Variants in NTNG1 observed in about 807,000 individuals in gnomAD.
NTNG1 encodes netrin G1.
NTNG1 carries 16 observed loss-of-function variants against 54.0 expected under a neutral mutation model. That is an observed-to-expected ratio of 0.30 (90% CI 0.20 to 0.45). The LOEUF (loss-of-function observed/expected upper bound fraction) is 0.45, where lower values mean the gene tolerates loss of function less well. Ranked by LOEUF, NTNG1 falls within the 20% of genes least tolerant of loss-of-function variation. The pLI, the probability that NTNG1 is intolerant of heterozygous loss-of-function variation, is 1.00. For missense variants in NTNG1, 530 were observed against 678.7 expected, an observed-to-expected ratio of 0.78 and a Z score of 2.43; for synonymous variants, 255 against 263.1, an observed-to-expected ratio of 0.97 and a Z score of 0.30.
At chr1:107,294,547 T>C (rs965747138) in intron 2 of NTNG1, among the ~76,000 whole-genome samples, 1 of 152,134 alleles carries the variant, frequency 6.6e-6, no homozygotes, top group Non-Finnish European at 1.5e-5. Context: ...GAAACATATA[T>C]CCTGTTATTA....
chr1:107,333,635 TCGTGTGTGTGTG>T, intron 3 of NTNG1, among the ~76,000 whole-genome samples: 1 of 1,982 alleles, frequency 5.0e-4, no homozygotes, highest in African/African-American at 6.4e-4. Context: ...CATGAAAACA[TCGTGTGTGTGTG>T]CATGTGTGTG....
intron 2 of NTNG1, among the ~76,000 whole-genome samples, chr1:107,222,598 T>C (rs77988113): frequency 0.016 from 2,418 of 152,264 alleles, 58 homozygotes; most frequent in African/African-American, 0.056. Flanking sequence ...AGCAGCACAC[T>C]ACTGGGAGCA....
intron 7 of NTNG1, among the ~76,000 whole-genome samples, chr1:107,442,367 C>T (rs114325590): frequency 0.013 from 1,979 of 152,122 alleles, 22 homozygotes; most frequent in Non-Finnish European, 0.022. Context: ...CATACAATCA[C>T]TTTTATTAAA....
At chr1:107,249,835 A>G (rs1662473373) in intron 2 of NTNG1, among the ~76,000 whole-genome samples, 1 of 152,182 alleles carries the variant, frequency 6.6e-6, no homozygotes, top group East Asian at 1.9e-4. Flanking sequence ...ATTTTGGGAA[A>G]TGTTACCATA....
intron 3 of NTNG1, among the ~76,000 whole-genome samples, chr1:107,394,554 C>A (rs573231065): frequency 4.9e-4 from 74 of 152,196 alleles, no homozygotes; most frequent in African/African-American, 1.7e-3. Flanking sequence ...TGTCTCACCC[C>A]CCTTCGGGTC....
chr1:107,419,475 A>C (rs1674442365), intron 5 of NTNG1, among the ~76,000 whole-genome samples: 1 of 152,052 alleles, frequency 6.6e-6, no homozygotes, highest in Non-Finnish European at 1.5e-5. Flanking sequence ...AGGAAGAAAG[A>C]GAACTTTTAA....
intron 7 of NTNG1, among the ~76,000 whole-genome samples, chr1:107,470,006 T>C (rs1193030018): frequency 1.3e-5 from 2 of 152,182 alleles, no homozygotes; most frequent in Non-Finnish European, 2.9e-5. Flanking sequence ...TCTCTACTAA[T>C]TACCAACAAG....
chr1:107,189,112 G>A (rs904824410), intron 2 of NTNG1, among the ~76,000 whole-genome samples: 1 of 152,028 alleles, frequency 6.6e-6, no homozygotes, highest in Non-Finnish European at 1.5e-5. Flanking sequence ...AGCACTTTGG[G>A]AGACCGAGGT....
intron 2 of NTNG1, among the ~76,000 whole-genome samples, chr1:107,285,035 C>A (rs1665101309): frequency 6.6e-6 from 1 of 151,912 alleles, no homozygotes; most frequent in Non-Finnish European, 1.5e-5. Context: ...ATATTTTTGA[C>A]CTATATTAAG....
chr1:107,306,255 T>A (rs1666690147), intron 2 of NTNG1, among the ~76,000 whole-genome samples: 1 of 152,238 alleles, frequency 6.6e-6, no homozygotes, highest in Non-Finnish European at 1.5e-5. Flanking sequence ...TATTATCATT[T>A]CAATATGCAT....
rs908470309 is a variant in NTNG1, at chr1:107,482,223, T to A, written c.*1383T>A. On this transcript the variant is annotated 3_prime_UTR_variant, in exon 8 of 8. Transcript: ENST00000370068. Reference sequence around the variant, plus strand: ...GATCTATGTATCTTTCCAAATACAGTGTTTACATGGAGTATCACAAGACGC... The same window carrying A: ...GATCTATGTATCTTTCCAAATACAGAGTTTACATGGAGTATCACAAGACGC... 1 of 152,188 alleles carries A rather than the reference T, an allele frequency of 6.6e-6. No individual in the cohort carries two copies. Among genetic ancestry groups the A allele is most frequent in the African/African-American group, 2.4e-5 (1 of 41,436 alleles). 9.4% of individuals were successfully genotyped at this position (152,188 alleles called of 1,614,324 possible). A position where few individuals can be genotyped will look rare whatever the true frequency, so the allele number is the denominator to read the frequency against.
intron 3 of NTNG1, among the ~76,000 whole-genome samples, chr1:107,328,334 A>G (rs1225267231): frequency 6.6e-6 from 1 of 152,096 alleles, no homozygotes; most frequent in Non-Finnish European, 1.5e-5. Context: ...ATCTCATTTT[A>G]ATTTACAGGG....
chr1:107,307,996 G>C (rs1302009229), intron 2 of NTNG1, among the ~76,000 whole-genome samples: 2 of 151,632 alleles, frequency 1.3e-5, no homozygotes, highest in Non-Finnish European at 2.9e-5. Flanking sequence ...TCATGTCTTT[G>C]CCCACTTTTA....
At chr1:107,361,370 TATAC>T (rs1557932846) in intron 3 of NTNG1, among the ~76,000 whole-genome samples, 1 of 54,794 alleles carries the variant, frequency 1.8e-5, no homozygotes, top group African/African-American at 7.4e-5. Context: ...CATATATATA[TATAC>T]ATATATATAT....
chr1:107,306,318 G>A (rs533641046), intron 2 of NTNG1, among the ~76,000 whole-genome samples: 1 of 152,206 alleles, frequency 6.6e-6, no homozygotes, highest in South Asian at 2.1e-4. Flanking sequence ...TTTGTACTAA[G>A]TCTTCAAAAT....
chr1:107,181,748 C>G (rs1272818172), intron 2 of NTNG1, among the ~76,000 whole-genome samples: 1 of 152,118 alleles, frequency 6.6e-6, no homozygotes, highest in Non-Finnish European at 1.5e-5. Flanking sequence ...AAGGCTCTCT[C>G]ATTACTTGGC....
chr1:107,267,948 T>C (rs1663861735), intron 2 of NTNG1, among the ~76,000 whole-genome samples: 1 of 152,188 alleles, frequency 6.6e-6, no homozygotes, highest in Non-Finnish European at 1.5e-5. Flanking sequence ...ACTCTGCCCT[T>C]CTTTCCCATA....
rs576056998 is a variant in NTNG1 at position 107,475,528 on chromosome 1, T to C, written c.1391-5083T>C. Among the ~76,000 whole-genome samples, 3 of 152,334 alleles carry C rather than the reference T, an allele frequency of 2.0e-5. No homozygotes were observed. In the South Asian group the frequency reaches 6.2e-4, roughly 32 times the overall value. The stretch of plus-strand genomic sequence containing the variant: ...GTCTGTCTTAGATCCCAGTCTCCTA[T>C]ATTTACTCCCTGAAGAAGATAATCC... On this transcript the variant is annotated intron_variant, in intron 7 of 7. Coordinates refer to ENST00000370068, the MANE Select transcript of NTNG1 (RefSeq NM_001113226.3).
intron 2 of NTNG1, among the ~76,000 whole-genome samples, chr1:107,278,251 C>T (rs906938590): frequency 6.6e-6 from 1 of 152,192 alleles, no homozygotes; most frequent in Admixed American, 6.5e-5. Context: ...TCAATTATCT[C>T]TTAGAGACTA....
Sources: gnomAD v4.1 joint callset for allele counts (sites outside exome capture counted in the v4.1 genomes callset) on GRCh38, gnomAD v4.1.1 for gene constraint, MANE v1.5 for transcripts, NCBI Gene and HGNC (gene_info 2026-07-23, HGNC 2026-07-21) for gene names.